Variants in UBASH3B observed in about 807,000 individuals in gnomAD.
UBASH3B encodes ubiquitin-associated and SH3 domain-containing protein B.
Under a neutral mutation model 83.4 loss-of-function variants are expected in UBASH3B, and 37 were observed. The observed-to-expected ratio is 0.44, with a 90% CI of 0.34 to 0.58. UBASH3B has a LOEUF of 0.58. UBASH3B is among the 20% of genes least tolerant of loss of function. The pLI is 0.01. For synonymous variants in UBASH3B, 304 were observed against 318.3 expected, an observed-to-expected ratio of 0.96 and a Z score of 0.48; for missense variants, 657 against 827.2, an observed-to-expected ratio of 0.79 and a Z score of 2.52.
chr11:122,796,277 G>T lies in UBASH3B; in HGVS notation c.1234+1G>T, dbSNP rs1294979618. On this transcript the variant is annotated splice_donor_variant, in intron 8 of 13. Coordinates refer to ENST00000284273, the MANE Select transcript of UBASH3B (RefSeq NM_032873.5). LOFTEE classifies it high-confidence loss of function. ...CTGTCCCAGTGCTTCGATGCCAAAG[G>T]TGAGTTGGTGGTGGGCCTGCTCAGC... 1 of 1,614,076 alleles carries T rather than the reference G, an allele frequency of 6.2e-7. No homozygotes were observed. Among genetic ancestry groups the T allele is most frequent in the Non-Finnish European group, 8.5e-7 (1 of 1,179,946 alleles).
intron 1 of UBASH3B, among the ~76,000 whole-genome samples, chr11:122,712,010 G>C (rs529218015): frequency 3.4e-5 from 5 of 149,076 alleles, no homozygotes; most frequent in Non-Finnish European, 5.9e-5. Flanking sequence ...TTGAAGCCAA[G>C]TTGGAAGTTG....
At chr11:122,720,316 A>G (rs570679869) in intron 1 of UBASH3B, among the ~76,000 whole-genome samples, 1 of 152,152 alleles carries the variant, frequency 6.6e-6, no homozygotes, top group Non-Finnish European at 1.5e-5. Flanking sequence ...CATCCAGTCC[A>G]TCAGTGAATC....
At chr11:122,767,028 C>G (rs896732785) in intron 1 of UBASH3B, among the ~76,000 whole-genome samples, 3 of 152,090 alleles carry the variant, frequency 2.0e-5, no homozygotes, top group Admixed American at 6.5e-5. Context: ...GCCTGTAATC[C>G]CAGCACTTTG....
rs560293034 is a variant in UBASH3B, at chr11:122,729,321, T to C, written c.162-46898T>C. Among the ~76,000 whole-genome samples, 12 of 152,230 alleles carry C rather than the reference T, an allele frequency of 7.9e-5. No homozygotes were observed. The South Asian group carries it at 1.2e-3, about 16-fold the overall frequency. Reference sequence around the variant, plus strand: ...CCAGTTCAGCTGAGATGCCACGCGGTTCTTGTTGAGGGGAAGGGGTGTGAG... The same window carrying C: ...CCAGTTCAGCTGAGATGCCACGCGGCTCTTGTTGAGGGGAAGGGGTGTGAG... On this transcript the variant is annotated intron_variant, in intron 1 of 13. Coordinates refer to ENST00000284273, the MANE Select transcript of UBASH3B (RefSeq NM_032873.5).
At chr11:122,790,995 C>T (rs953958836) in intron 6 of UBASH3B, among the ~76,000 whole-genome samples, 1 of 151,864 alleles carries the variant, frequency 6.6e-6, no homozygotes, top group Non-Finnish European at 1.5e-5. Context: ...GTGCTGATCT[C>T]TTAGAGTTCA....
intron 13 of UBASH3B, among the ~76,000 whole-genome samples, chr11:122,809,295 G>C (rs771317433): frequency 1.3e-5 from 2 of 152,084 alleles, no homozygotes; most frequent in Non-Finnish European, 2.9e-5. Flanking sequence ...GGCTGGTCTC[G>C]AACTCTTGAC....
intron 1 of UBASH3B, among the ~76,000 whole-genome samples, chr11:122,725,858 A>C (rs1165536611): frequency 6.6e-6 from 1 of 151,536 alleles, no homozygotes; most frequent in Non-Finnish European, 1.5e-5. Context: ...CACGCCGGCC[A>C]ATTTTTTCTA....
chr11:122,753,153 C>T (rs1181692813), intron 1 of UBASH3B, among the ~76,000 whole-genome samples: 1 of 151,134 alleles, frequency 6.6e-6, no homozygotes, highest in Admixed American at 6.6e-5. Context: ...AAAAAAAACT[C>T]GAGTTTCTGG....
At chr11:122,741,414 A>C (rs1449219472) in intron 1 of UBASH3B, among the ~76,000 whole-genome samples, 2 of 152,216 alleles carry the variant, frequency 1.3e-5, no homozygotes, top group African/African-American at 4.8e-5. Flanking sequence ...TTACCAATAA[A>C]TGAACATTCG....
chr11:122,778,052 C>G (rs1860773549), intron 3 of UBASH3B, among the ~76,000 whole-genome samples: 1 of 152,116 alleles, frequency 6.6e-6, no homozygotes, highest in Non-Finnish European at 1.5e-5. Flanking sequence ...ATATAATCCC[C>G]CTCACTATCA....
At chr11:122,750,384 C>G (rs1373305799) in intron 1 of UBASH3B, among the ~76,000 whole-genome samples, 5 of 151,964 alleles carry the variant, frequency 3.3e-5, no homozygotes, top group Non-Finnish European at 7.4e-5. Flanking sequence ...ACAATGTACC[C>G]TCAGTTACCC....
At chr11:122,779,754 A>G (rs949326628) in intron 4 of UBASH3B, 59 bp downstream of exon 4, 1 of 1,600,516 alleles carries the variant, frequency 6.2e-7, no homozygotes, top group Non-Finnish European at 8.6e-7. Context: ...TTGGAAAGGA[A>G]AAAGGATAGG....
chr11:122,687,164 T>G (rs1028837829), intron 1 of UBASH3B, among the ~76,000 whole-genome samples: 2 of 152,206 alleles, frequency 1.3e-5, no homozygotes, highest in Admixed American at 6.5e-5. Flanking sequence ...TCACCGCACC[T>G]GGGCAAATGA....
intron 1 of UBASH3B, among the ~76,000 whole-genome samples, chr11:122,706,307 C>A (rs1298086738): frequency 6.6e-6 from 1 of 151,976 alleles, no homozygotes; most frequent in Non-Finnish European, 1.5e-5. Flanking sequence ...GGATTCAGAT[C>A]TAGGGCTTGG....
In UBASH3B at chr11:122,757,413, T is replaced by C. The variant is rs1445582064; in HGVS notation, c.162-18806T>C. Among the ~76,000 whole-genome samples, 3 of 152,134 alleles carry C rather than the reference T, an allele frequency of 2.0e-5. No homozygotes were observed. In the East Asian group the frequency reaches 5.8e-4, roughly 29 times the overall value. On this transcript the variant is annotated intron_variant, in intron 1 of 13. Transcript: ENST00000284273. ...TGCTGGCACCCTGAGCTTGGTCCGA[T>C]AGCCTCCAGAACAGTGAGAAATACA...
At chr11:122,688,312 G>GGA (rs1863833668) in intron 1 of UBASH3B, among the ~76,000 whole-genome samples, 1 of 151,936 alleles carries the variant, frequency 6.6e-6, no homozygotes, top group Non-Finnish European at 1.5e-5. Flanking sequence ...TGCCCAGGCT[G>GGA]GAGCGTAGTG....
intron 1 of UBASH3B, among the ~76,000 whole-genome samples, chr11:122,698,630 G>T (rs1403221644): frequency 6.6e-6 from 1 of 152,078 alleles, no homozygotes; most frequent in African/African-American, 2.4e-5. Flanking sequence ...AGCATCCTGG[G>T]TGCCGTGTGT....
chr11:122,802,449 A>G (rs903765043), intron 11 of UBASH3B, among the ~76,000 whole-genome samples: 5 of 152,230 alleles, frequency 3.3e-5, no homozygotes, highest in African/African-American at 1.2e-4. Context: ...AATTAAGTTC[A>G]TATTTCTTAA....
Position 122,798,901 on chromosome 11 carries a change from G to A in UBASH3B, c.1358-41G>A, listed in dbSNP as rs745332029. The A allele has an allele frequency of 2.5e-6, 4 of 1,582,444 alleles. No homozygotes were observed. In the South Asian group the frequency reaches 4.4e-5, roughly 18 times the overall value. The stretch of plus-strand genomic sequence containing the variant: ...ACACTGCGGGTCAAGGTGAGACTGA[G>A]TAAATCCATCAGACTGATTTTTTTG... On this transcript the variant is annotated intron_variant, in intron 9 of 13. Transcript: ENST00000284273.
Sources: allele counts gnomAD v4.1 joint callset (sites outside exome capture counted in the v4.1 genomes callset), GRCh38; gene constraint gnomAD v4.1.1; transcripts MANE v1.5; gene names NCBI Gene and HGNC (gene_info 2026-07-23, HGNC 2026-07-21).